BPIFB3: variants seen among roughly 807,000 people sequenced by gnomAD.
The protein encoded by BPIFB3 is BPI fold containing family B member 3.
In BPIFB3, 49 loss-of-function variants were observed where a neutral mutation model predicts 53.1. The ratio of observed to expected loss-of-function variants is 0.92; its 90% CI spans 0.73 to 1.17. The LOEUF is 1.17. Ranked by LOEUF, BPIFB3 falls within the 50% of genes most tolerant of loss-of-function variation. The probability of loss-of-function intolerance (pLI) is 0.00; values close to 1 mark genes in which losing one functional copy is unlikely to be tolerated. For synonymous variants in BPIFB3, 271 were observed against 269.6 expected, an observed-to-expected ratio of 1.01 and a Z score of -0.05; for missense variants, 628 against 592.5, an observed-to-expected ratio of 1.06 and a Z score of -0.62.
chr20:33,069,172 C>T (rs1980786869), intron 10 of BPIFB3, among the ~76,000 whole-genome samples, 199 bp downstream of exon 11: 1 of 152,154 alleles, frequency 6.6e-6, no homozygotes, highest in Non-Finnish European at 1.5e-5. Flanking sequence ...CTGCCTGCTC[C>T]CTCCTGTCAT....
At chr20:33,062,298 G>A (rs1250832333) in intron 5 of BPIFB3, among the ~76,000 whole-genome samples, 3 of 152,126 alleles carry the variant, frequency 2.0e-5, no homozygotes, top group South Asian at 4.2e-4. Flanking sequence ...CCTGGCTTCT[G>A]CACTCGAGAG....
In BPIFB3 at chr20:33,056,522, T is replaced by C. The variant is rs1411715910; in HGVS notation, c.125-20T>C. The stretch of plus-strand genomic sequence containing the variant: ...GAGGTTGGAGTTTCTAGTACCTTCC[T>C]ACTTCCACTCTCTCTGCAGCCATCC... On this transcript the variant is annotated intron_variant, in intron 1 of 14. Coordinates refer to ENST00000375494, the Ensembl canonical transcript of BPIFB3. 6 of 1,613,408 alleles carry C rather than the reference T, an allele frequency of 3.7e-6. No homozygotes were observed. Among genetic ancestry groups the C allele is most frequent in the Non-Finnish European group, 5.1e-6 (6 of 1,179,880 alleles).
intron 14 of BPIFB3, 58 bp downstream of exon 15, chr20:33,072,851 C>G: frequency 1.5e-6 from 2 of 1,351,108 alleles, no homozygotes; most frequent in Non-Finnish European, 2.1e-6. Flanking sequence ...CTGGAAAGCT[C>G]TGCTTGAAAC....
exon 6 of BPIFB3, chr20:33,063,664 G>C (rs1270460136): frequency 6.2e-7 from 1 of 1,613,878 alleles, no homozygotes. Flanking sequence ...GAGCTCCTGG[G>C]GGCTGTGCTG....
chr20:33,072,079 C>G, intron 12 of BPIFB3, 25 bp from the exon 14 acceptor site: 1 of 1,613,688 alleles, frequency 6.2e-7, no homozygotes, highest in African/African-American at 1.3e-5. Flanking sequence ...GCACCACCCC[C>G]ACCACCCTGT....
At chr20:33,073,024 G>C (rs187675420) in intron 14 of BPIFB3, among the ~76,000 whole-genome samples, 1 of 152,124 alleles carries the variant, frequency 6.6e-6, no homozygotes, top group Non-Finnish European at 1.5e-5. Context: ...AATCAATCAC[G>C]GAGTTCTTTC....
intron 10 of BPIFB3, 98 bp from the exon 12 acceptor site, chr20:33,069,790 A>C: frequency 8.4e-7 from 1 of 1,192,446 alleles, no homozygotes; most frequent in African/African-American, 1.5e-5. Context: ...GTAGGGCCTC[A>C]GTAAGGGTTA....
chr20:33,070,085 C>T (rs1980823501), intron 11 of BPIFB3, 130 bp downstream of exon 12: 2 of 1,004,146 alleles, frequency 2.0e-6, no homozygotes, highest in Non-Finnish European at 3.1e-6. Context: ...TCCTCCTTGC[C>T]TTCAGGACCC....
At position 33,063,569 on chromosome 20, in the gene BPIFB3, G is replaced by A. The variant is rs181339678; in HGVS notation, c.592-46G>A. 6.9e-4 allele frequency: 1,109 copies of A among 1,597,858 alleles called. 2 individuals are homozygous for A. Among genetic ancestry groups the A allele is most frequent in the Admixed American group, 1.8e-3 (107 of 59,798 alleles). On this transcript the variant is annotated intron_variant, in intron 5 of 14. Coordinates refer to ENST00000375494, the Ensembl canonical transcript of BPIFB3. ...ATTTAAAGAACATGCAGCTGTCCTC[G>A]CAGTGAGCTCTTCTTTGCCCTGTAA...
At chr20:33,055,815 G>A (rs1304160996) in intron 1 of BPIFB3, among the ~76,000 whole-genome samples, 3 of 152,188 alleles carry the variant, frequency 2.0e-5, no homozygotes, top group African/African-American at 7.2e-5. Flanking sequence ...GACAGGGACA[G>A]AGTGAGGTTG....
upstream of BPIFB3, among the ~76,000 whole-genome samples, chr20:33,054,928 C>A: frequency 6.6e-6 from 1 of 152,182 alleles, no homozygotes; most frequent in Non-Finnish European, 1.5e-5. Context: ...GTCAGCTAGA[C>A]CTTCTGAAAC....
At chr20:33,067,362 G>A (rs538595786) in intron 9 of BPIFB3, among the ~76,000 whole-genome samples, 1 of 152,332 alleles carries the variant, frequency 6.6e-6, no homozygotes, top group South Asian at 2.1e-4. Flanking sequence ...CTGCTTTCCA[G>A]CTGTGAGAAC....
At chr20:33,055,317 G>T, upstream of BPIFB3, 1 of 1,514,332 alleles carries the variant, frequency 6.6e-7, no homozygotes, top group Non-Finnish European at 8.9e-7. Flanking sequence ...CTCAATTTGG[G>T]CTGTGCCAGG....
rs184325712 is a variant in BPIFB3, at chr20:33,066,752, T to C, written c.925-72T>C. ...TAGGGGGAAGAGTGGTGAACGAAAC[T>C]GCTCTGAGTGTGCTGAGGGATTCCT... On this transcript the variant is annotated intron_variant, in intron 8 of 14. Coordinates refer to ENST00000375494, the Ensembl canonical transcript of BPIFB3. The C allele has an allele frequency of 5.6e-4, 820 of 1,471,812 alleles. 4 individuals carry two copies. The African/African-American group carries it at 0.01, about 18-fold the overall frequency. 91.2% of individuals were successfully genotyped at this position (1,471,812 alleles called of 1,614,324 possible). A position where few individuals can be genotyped will look rare whatever the true frequency, so the allele number is the denominator to read the frequency against.
intron 3 of BPIFB3, 37 bp from the exon 5 acceptor site, chr20:33,059,854 G>T: frequency 6.2e-7 from 1 of 1,605,876 alleles, no homozygotes. Context: ...GGTGGGAGCT[G>T]GCTGCCTGGC....
chr20:33,072,081 C>A, intron 12 of BPIFB3, 23 bp from the exon 14 acceptor site: 1 of 1,613,644 alleles, frequency 6.2e-7, no homozygotes, highest in Non-Finnish European at 8.5e-7. Flanking sequence ...ACCACCCCCA[C>A]CACCCTGTGT....
chr20:33,059,480 T>C, exon 3 of BPIFB3: 1 of 1,607,348 alleles, frequency 6.2e-7, no homozygotes, highest in Non-Finnish European at 8.5e-7. Context: ...TGCATTGCTC[T>C]GGGTGAGTGT....
chr20:33,060,491 G>A (rs889465331), intron 4 of BPIFB3, among the ~76,000 whole-genome samples: 24 of 152,260 alleles, frequency 1.6e-4, no homozygotes, highest in African/African-American at 5.8e-4. Context: ...TTCGGAAGGG[G>A]CTGTGACTTC....
chr20:33,066,681 A>G lies in BPIFB3; in HGVS notation c.925-143A>G, dbSNP rs1980683361. On this transcript the variant is annotated intron_variant, in intron 8 of 14. Transcript: ENST00000375494. ...GTGCTCAGTAATTGCTAGCTGATAG[A>G]ACAAACTTGAGTGTTTGTAGTGATA... 6.6e-6 allele frequency: 5 copies of G among 758,588 alleles called. No individual in the cohort carries two copies. In the East Asian group the frequency reaches 1.0e-4, roughly 16 times the overall value. The allele number at this position is 758,588 out of a possible 1,614,324, so 47.0% of individuals were successfully genotyped here. A position where few individuals can be genotyped will look rare whatever the true frequency, so the allele number is the denominator to read the frequency against.
Sources: gnomAD v4.1 joint callset for allele counts (sites outside exome capture counted in the v4.1 genomes callset) on GRCh38, gnomAD v4.1.1 for gene constraint, MANE v1.5 for transcripts, NCBI Gene and HGNC (gene_info 2026-07-23, HGNC 2026-07-21) for gene names.